Variants in SYNE1 observed in about 807,000 individuals in gnomAD.
SYNE1 encodes the protein nesprin-1.
Under a neutral mutation model 1,111.0 loss-of-function variants are expected in SYNE1, and 616 were observed. That is an observed-to-expected ratio of 0.55 (90% confidence interval 0.52 to 0.59). The LOEUF is 0.59. SYNE1 is among the 20% of genes least tolerant of loss of function. SYNE1 has a pLI of 0.00. For synonymous variants in SYNE1, 3,855 were observed against 3,825.8 expected (o/e 1.01, Z -0.28); for missense variants, 10,006 against 10,417.0 (o/e 0.96, Z 1.72).
chr6:152,122,446 G>A lies in SYNE1; in HGVS notation c.26384C>T (p.Pro8795Leu). 1 of 1,614,164 alleles carries A rather than the reference G, an allele frequency of 6.2e-7. No individual in the cohort carries two copies. The highest frequency in any genetic ancestry group is 8.5e-7 in the Non-Finnish European group (1 of 1,180,044). Residue 8795 changes from proline (P) to leucine (L), a missense_variant, in exon 146 of 146, where the codon CCT becomes CTT. By Grantham distance (98) the Pro-to-Leu change is moderately conservative. This residue lies in a region of SYNE1 where 761 missense variants were observed against 795.5 expected (regional missense o/e 0.96). Coordinates refer to ENST00000367255, the MANE Select transcript of SYNE1 (RefSeq NM_182961.4). ...TGGCATCTGCTTAGTTCAGAGTGGA[G>A]GAGGGCCATTCGTGTATCTGAGCAT... ...HPMLRYTNGP[P>L]PL
At chr6:152,176,960 T>C (rs1468040108) in intron 129 of SYNE1, among the ~76,000 whole-genome samples, 1 of 152,160 alleles carries the variant, frequency 6.6e-6, no homozygotes, top group Non-Finnish European at 1.5e-5. Flanking sequence ...GCTGAGAGAC[T>C]TATAAAATGC....
chr6:152,434,958 G>T (rs2098460081), intron 33 of SYNE1: 1 of 151,946 alleles, frequency 6.6e-6, no homozygotes. Context: ...ATTAAATAAA[G>T]GTTAAAATGG....
In SYNE1 at chr6:152,254,891, G is replaced by C. The variant is rs762924768; in HGVS notation, c.19459C>G (p.Leu6487Val). The C allele has an allele frequency of 1.2e-6, 2 of 1,613,390 alleles. No homozygotes were observed. Among genetic ancestry groups the C allele is most frequent in the Non-Finnish European group, 1.7e-6 (2 of 1,179,756 alleles). The change falls in exon 104 of 146, where the codon CTA becomes GTA. Residue 6487 changes from leucine to valine, a missense_variant. Around this residue, in one of 7 missense-constraint regions of SYNE1, gnomAD observed 2,182 missense variants for 2,287.8 expected, o/e 0.95. Coordinates refer to ENST00000367255, the MANE Select transcript of SYNE1 (RefSeq NM_182961.4). ...AATATCTTACTTACCTGGAAATTTA[G>C]TATTTGCTGAAGTCTTTCTTTCATC... is the stretch of plus-strand genomic sequence containing the variant. ...HQMKERLQQI[L>V]NFQNDLKVLF...
chr6:152,136,711 A>G lies in SYNE1; in HGVS notation c.25566T>C (p.Asp8522=), dbSNP rs775551596. 6.2e-7 allele frequency: 1 copy of G among 1,614,206 alleles called. No homozygotes were observed. Among genetic ancestry groups the G allele is most frequent in the South Asian group, 1.1e-5 (1 of 91,084 alleles). ...ADSKESRDLQ[D]RLSQMNGRWD... ...AGCGCCCATTCATCTGCGACAAGCG[A>G]TCCTGCAGGTCCCGGCTCTCCTTGC... The change falls in exon 141 of 146, where the codon GAT becomes GAC. Residue 8522 remains aspartate, a synonymous_variant. Coordinates refer to ENST00000367255, the MANE Select transcript of SYNE1 (RefSeq NM_182961.4).
chr6:152,279,202 G>C (rs1287543724), intron 97 of SYNE1, among the ~76,000 whole-genome samples: 3 of 101,006 alleles, frequency 3.0e-5, no homozygotes, highest in African/African-American at 1.1e-4. Context: ...GACTAAATTA[G>C]AGAAAAAGAA....
In SYNE1 at chr6:152,427,679, T is replaced by C; in HGVS notation, c.5100+14A>G. 6.2e-7 allele frequency: 1 copy of C among 1,614,154 alleles called. No individual in the cohort carries two copies. The highest frequency in any genetic ancestry group is 1.3e-5 in the African/African-American group (1 of 75,060). The stretch of plus-strand genomic sequence containing the variant: ...CATTTTATTTTTTCCTTCCTCACAC[T>C]TCCTTGAACTTGCCTGTATTAACTG... On this transcript the variant is annotated intron_variant, in intron 38 of 145. Transcript: ENST00000367255.
intron 130 of SYNE1, among the ~76,000 whole-genome samples, chr6:152,173,000 T>C (rs917819291): frequency 6.6e-6 from 1 of 152,196 alleles, no homozygotes; most frequent in Non-Finnish European, 1.5e-5. Flanking sequence ...TAAATAGCCA[T>C]CCGTAGCTAG....
chr6:152,247,720 T>TA (rs1393529903), intron 105 of SYNE1, among the ~76,000 whole-genome samples: 6 of 130,512 alleles, frequency 4.6e-5, no homozygotes, highest in African/African-American at 1.5e-4. Context: ...AAAATATATA[T>TA]TTTTTATTAT....
chr6:152,202,118 G>A (rs186846527), intron 126 of SYNE1, among the ~76,000 whole-genome samples, 169 bp from the exon 127 acceptor site: 3 of 152,066 alleles, frequency 2.0e-5, no homozygotes, highest in Admixed American at 6.5e-5. Context: ...AGGCCGAGGC[G>A]GGTGGATCAC....
intron 30 of SYNE1, among the ~76,000 whole-genome samples, chr6:152,442,467 G>T (rs2098540743): frequency 6.6e-6 from 1 of 152,078 alleles, no homozygotes; most frequent in Admixed American, 6.5e-5. Context: ...TAAATAATTT[G>T]GCTTTCGTGT....
At chr6:152,318,017 G>A (rs2095777902) in intron 86 of SYNE1, 64 bp downstream of exon 86, 2 of 1,593,822 alleles carry the variant, frequency 1.3e-6, no homozygotes, top group East Asian at 2.2e-5. Flanking sequence ...ATTTTCAAAA[G>A]AGAAAAGCAG....
chr6:152,579,405 G>A (rs2099511806), intron 3 of SYNE1, among the ~76,000 whole-genome samples: 1 of 152,262 alleles, frequency 6.6e-6, no homozygotes, highest in Non-Finnish European at 1.5e-5. Context: ...AGATGTTCCA[G>A]CTAAAGTCTC....
At chr6:152,190,997 T>C (rs2635455) in intron 127 of SYNE1, among the ~76,000 whole-genome samples, 59,410 of 151,918 alleles carry the variant, frequency 0.39, 11,715 homozygotes, top group African/African-American at 0.47. Context: ...GGTTGAATTT[T>C]ATCAAATGCT....
intron 76 of SYNE1, chr6:152,335,388 C>T (rs1231805189): frequency 6.6e-6 from 1 of 152,020 alleles, no homozygotes; most frequent in Non-Finnish European, 1.5e-5. Flanking sequence ...TTTAAATTTG[C>T]TTATTAAGAC....
rs761011882 is a variant in SYNE1, at chr6:152,281,911, C to T, written c.18277G>A (p.Asp6093Asn). The T allele has an allele frequency of 9.3e-6, 15 of 1,614,140 alleles. No homozygotes were observed. The highest frequency in any genetic ancestry group is 1.3e-5 in the Non-Finnish European group (15 of 1,180,026). The change falls in exon 97 of 146, where the codon GAT becomes AAT. Residue 6093 changes from aspartate (D) to asparagine (N), a missense_variant. Transcript: ENST00000367255. ...CTCAAGAGCCAGCTGTCCAGCTCAT[C>T]GGCTTCACAGCGATACCTCTGCAGG... ...QALQRYRCEA[D>N]ELDSWLLSTK... is the part of the protein sequence containing the mutation.
intron 96 of SYNE1, among the ~76,000 whole-genome samples, chr6:152,283,687 C>A (rs1171575669): frequency 6.6e-6 from 1 of 152,140 alleles, no homozygotes; most frequent in Non-Finnish European, 1.5e-5. Flanking sequence ...CAGGCACACA[C>A]CACCATGTCT....
At chr6:152,380,653 G>T (rs966371326) in intron 56 of SYNE1, 1 of 305,796 alleles carries the variant, frequency 3.3e-6, no homozygotes. Context: ...TAACTGGCAA[G>T]AAAACAGCTA....
In SYNE1 at chr6:152,310,508, T is replaced by A. The variant is rs1205869372; in HGVS notation, c.16907A>T (p.Lys5636Ile). 1.2e-6 allele frequency: 2 copies of A among 1,614,078 alleles called. No individual in the cohort carries two copies. The highest frequency in any genetic ancestry group is 1.7e-6 in the Non-Finnish European group (2 of 1,180,010). ...TAACTTTTTCAACTCTGCTTCAAAT[T>A]TTTTCATATCCTAGAGAGTCAATAT... is the stretch of plus-strand genomic sequence containing the variant. ...NLQDAAKDMK[K>I]FEAELKKLQA... The change falls in exon 89 of 146, where the codon AAA becomes ATA. Residue 5636 changes from lysine to isoleucine, a missense_variant. Physicochemically the swap from Lys to Ile is moderately radical, Grantham distance 102. Coordinates refer to ENST00000367255, the MANE Select transcript of SYNE1 (RefSeq NM_182961.4).
chr6:152,533,953 G>C (rs964925105), intron 4 of SYNE1, among the ~76,000 whole-genome samples: 3 of 152,070 alleles, frequency 2.0e-5, no homozygotes, highest in Non-Finnish European at 2.9e-5. Flanking sequence ...GAGGTCAGGA[G>C]TTCAGGACCA....
Sources: gnomAD v4.1 joint callset for allele counts (sites outside exome capture counted in the v4.1 genomes callset) on GRCh38, gnomAD v4.1.1 for gene constraint, gnomAD v4.1.1 regional missense constraint, MANE v1.5 for transcripts, NCBI Gene and HGNC (gene_info 2026-07-23, HGNC 2026-07-21) for gene names.